ZNRF1: variants seen among roughly 807,000 people sequenced by gnomAD.
The protein encoded by ZNRF1 is E3 ubiquitin-protein ligase ZNRF1.
In ZNRF1, 3 loss-of-function variants were observed where a neutral mutation model predicts 18.4. That is an observed-to-expected ratio of 0.16 (90% CI 0.07 to 0.42). ZNRF1 has a LOEUF of 0.42. Among genes scored for constraint, ZNRF1 ranks in the 10% least tolerant of loss-of-function variants. The pLI, the probability that ZNRF1 is intolerant of heterozygous loss-of-function variation, is 0.99. For missense variants in ZNRF1, 310 were observed against 329.8 expected (o/e 0.94, Z 0.47); for synonymous variants, 157 against 144.2 (o/e 1.09, Z -0.64).
At chr16:75,005,487 G>C (rs1358918194) in intron 1 of ZNRF1, among the ~76,000 whole-genome samples, 1 of 152,086 alleles carries the variant, frequency 6.6e-6, no homozygotes, top group Non-Finnish European at 1.5e-5. Flanking sequence ...AGTTCCTTTT[G>C]GGAAAAGGAA....
intron 1 of ZNRF1, among the ~76,000 whole-genome samples, chr16:75,063,546 G>C (rs966521782): frequency 6.6e-6 from 1 of 152,140 alleles, no homozygotes. Context: ...GTGGTATTTC[G>C]TTGGCATGTT....
At chr16:75,057,327 T>C (rs973717013) in intron 1 of ZNRF1, among the ~76,000 whole-genome samples, 1 of 152,242 alleles carries the variant, frequency 6.6e-6, no homozygotes, top group African/African-American at 2.4e-5. Flanking sequence ...TTTTCTTCTT[T>C]GCTCTGCTAG....
rs1187989852 is a variant in ZNRF1 at position 75,049,842 on chromosome 16, C to T, written c.425-43730C>T. ...AGATCTCATCACTTTCACATGCACC[C>T]ATTTGTGTGTGTGTGTGTGTGTGTG... On this transcript the variant is annotated intron_variant, in intron 1 of 4. Transcript: ENST00000335325. 1.4e-4 allele frequency among the ~76,000 whole-genome samples: 7 copies of T among 48,870 alleles called. No individual in the cohort carries two copies. The Admixed American group carries it at 2.3e-3, about 16-fold the overall frequency. 32.1% of individuals were successfully genotyped at this position (48,870 alleles called of 152,430 possible).
At chr16:75,035,895 G>T (rs2035370603) in intron 1 of ZNRF1, among the ~76,000 whole-genome samples, 1 of 152,118 alleles carries the variant, frequency 6.6e-6, no homozygotes, top group South Asian at 2.1e-4. Context: ...TTGCCTCTTA[G>T]TGCTCATGCC....
intron 1 of ZNRF1, among the ~76,000 whole-genome samples, chr16:75,007,979 C>T (rs1243733726): frequency 6.6e-6 from 1 of 152,148 alleles, no homozygotes; most frequent in Non-Finnish European, 1.5e-5. Flanking sequence ...ATTCTCAAGC[C>T]TTAGCCTCTG....
In ZNRF1 at chr16:75,050,159, T is replaced by C. The variant is rs77782779; in HGVS notation, c.425-43413T>C. Among the ~76,000 whole-genome samples, 146 of 152,304 alleles carry C rather than the reference T, an allele frequency of 9.6e-4. 3 individuals carry two copies. In the East Asian group the frequency reaches 0.028, roughly 29 times the overall value. On this transcript the variant is annotated intron_variant, in intron 1 of 4. Transcript: ENST00000335325. ...ACTCTTGTGTATTTCAATAGTCTAT[T>C]CCTTTTTATTGCTAAGTAGTAGTCC...
At chr16:75,019,278 G>C (rs778104966) in intron 1 of ZNRF1, among the ~76,000 whole-genome samples, 3 of 151,988 alleles carry the variant, frequency 2.0e-5, no homozygotes, top group African/African-American at 7.2e-5. Context: ...AGTCTCAAGC[G>C]ATCTTCTCAC....
At chr16:75,070,620 A>G (rs567496950) in intron 1 of ZNRF1, among the ~76,000 whole-genome samples, 2 of 152,216 alleles carry the variant, frequency 1.3e-5, no homozygotes, top group African/African-American at 4.8e-5. Context: ...TTCACAAACT[A>G]AGTACCTCTG....
intron 1 of ZNRF1, among the ~76,000 whole-genome samples, chr16:75,033,075 T>G (rs2145352325): frequency 6.6e-6 from 1 of 152,302 alleles, no homozygotes; most frequent in Admixed American, 6.5e-5. Flanking sequence ...TGGACTTTAT[T>G]CTGTTTTTCT....
At chr16:75,002,860 A>G (rs2034870257) in intron 1 of ZNRF1, among the ~76,000 whole-genome samples, 2 of 152,156 alleles carry the variant, frequency 1.3e-5, no homozygotes, top group Admixed American at 1.3e-4. Flanking sequence ...TCCGTTCTTC[A>G]CACGAATTTC....
intron 1 of ZNRF1, among the ~76,000 whole-genome samples, chr16:75,078,692 A>AAT (rs749867338): frequency 5.9e-5 from 9 of 152,252 alleles, no homozygotes; most frequent in Non-Finnish European, 1.0e-4. Flanking sequence ...TGTTACAATC[A>AAT]ATGTAAAGTT....
intron 1 of ZNRF1, among the ~76,000 whole-genome samples, chr16:75,027,621 T>C (rs565282146): frequency 7.2e-5 from 11 of 152,312 alleles, no homozygotes; most frequent in Non-Finnish European, 1.6e-4. Flanking sequence ...TTAAATTCCA[T>C]GGTCAGTCAT....
chr16:75,010,713 T>TGG (rs756108455), intron 1 of ZNRF1, among the ~76,000 whole-genome samples: 1 of 48,456 alleles, frequency 2.1e-5, no homozygotes, highest in Admixed American at 2.6e-4. Context: ...TTTTTTTTGT[T>TGG]TTTTTGTTTT....
intron 1 of ZNRF1, among the ~76,000 whole-genome samples, chr16:75,054,555 T>C (rs2035645522): frequency 1.3e-5 from 2 of 152,240 alleles, no homozygotes; most frequent in African/African-American, 4.8e-5. Context: ...CTATGTGGGC[T>C]TCTCAGTCCT....
At chr16:75,086,044 T>G (rs1389641456) in intron 1 of ZNRF1, among the ~76,000 whole-genome samples, 1 of 151,982 alleles carries the variant, frequency 6.6e-6, no homozygotes, top group African/African-American at 2.4e-5. Context: ...GCTCAAGCAG[T>G]TAGGCAGACA....
intron 1 of ZNRF1, among the ~76,000 whole-genome samples, chr16:75,006,495 G>C (rs1044602335): frequency 1.3e-5 from 2 of 152,148 alleles, no homozygotes; most frequent in African/African-American, 4.8e-5. Context: ...GAGTGCAGTG[G>C]CATGATCTGA....
intron 1 of ZNRF1, among the ~76,000 whole-genome samples, chr16:75,011,364 G>A (rs1023515191): frequency 1.5e-4 from 23 of 152,252 alleles, no homozygotes; most frequent in African/African-American, 3.8e-4. Context: ...CAGCATTTAA[G>A]TCAGCTTTTC....
chr16:75,045,716 C>CTTTT (rs895489865), intron 1 of ZNRF1, among the ~76,000 whole-genome samples: 3 of 130,362 alleles, frequency 2.3e-5, no homozygotes, highest in African/African-American at 8.4e-5. Context: ...TCTTCTTCGT[C>CTTTT]TTTTTTTTTT....
intron 1 of ZNRF1, among the ~76,000 whole-genome samples, chr16:75,079,979 G>A (rs1287224604): frequency 5.9e-5 from 9 of 152,184 alleles, no homozygotes; most frequent in Non-Finnish European, 1.3e-4. Flanking sequence ...GCAGTGGCGC[G>A]AGCTTGGCTC....
Sources: gnomAD v4.1 joint callset for allele counts (sites outside exome capture counted in the v4.1 genomes callset) on GRCh38, gnomAD v4.1.1 for gene constraint, MANE v1.5 for transcripts, NCBI Gene and HGNC (gene_info 2026-07-23, HGNC 2026-07-21) for gene names.